CRY1: variants seen among roughly 807,000 people sequenced by gnomAD.
CRY1 encodes cryptochrome circadian regulator 1.
A neutral mutation model predicts 76.0 loss-of-function variants in CRY1; 45 were observed. The ratio of observed to expected loss-of-function variants is 0.59; its 90% CI spans 0.47 to 0.76. The LOEUF (loss-of-function observed/expected upper bound fraction) is 0.76. Ranked by LOEUF, CRY1 falls within the 30% of genes least tolerant of loss-of-function variation. CRY1 has a pLI of 0.00. For missense variants in CRY1, 587 were observed against 716.4 expected (o/e 0.82, Z 2.06); for synonymous variants, 248 against 244.0 (o/e 1.02, Z -0.15).
intron 1 of CRY1, among the ~76,000 whole-genome samples, chr12:107,067,563 CA>C (rs199513991): frequency 1.1e-3 from 153 of 137,922 alleles, no homozygotes; most frequent in South Asian, 7.1e-3. Flanking sequence ...TTTTCAAAGG[CA>C]AAAAAAAAAA....
At position 107,004,262 on chromosome 12, in the gene CRY1, C is replaced by T. The variant is rs1057346490; in HGVS notation, c.410+844G>A. ...AGATATATGAATTCTAGCTTAGTAT[C>T]AAGACCTTTGTCTGAATCAAATCAT... On this transcript the variant is annotated intron_variant, in intron 3 of 12. Coordinates refer to ENST00000008527, the MANE Select transcript of CRY1 (RefSeq NM_004075.5). Among the ~76,000 whole-genome samples, 4 of 152,104 alleles carry T rather than the reference C, an allele frequency of 2.6e-5. No homozygotes were observed. In the East Asian group the frequency reaches 7.7e-4, roughly 29 times the overall value.
At chr12:107,007,672 G>T (rs976087979) in intron 2 of CRY1, among the ~76,000 whole-genome samples, 15 of 151,924 alleles carry the variant, frequency 9.9e-5, no homozygotes, top group Non-Finnish European at 5.9e-5. Flanking sequence ...TAGGACTACA[G>T]GCATGCACCA....
chr12:107,001,273 A>G lies in CRY1; in HGVS notation c.684+7T>C. ...CAAGCATAGCTATATAATCTACATT[A>G]TCATACTTTTCTTTCCAAATGCCTT... On this transcript the variant is annotated splice_region_variant and intron_variant, in intron 5 of 12. Transcript: ENST00000008527. 1 of 1,604,760 alleles carries G rather than the reference A, an allele frequency of 6.2e-7. No individual in the cohort carries two copies. Among genetic ancestry groups the G allele is most frequent in the Non-Finnish European group, 8.5e-7 (1 of 1,172,536 alleles).
intron 1 of CRY1, among the ~76,000 whole-genome samples, chr12:107,085,340 T>A (rs777752677): frequency 3.9e-5 from 6 of 152,176 alleles, no homozygotes; most frequent in African/African-American, 7.2e-5. Context: ...TATAAATCAT[T>A]CTACTATAAT....
intron 1 of CRY1, among the ~76,000 whole-genome samples, chr12:107,046,171 T>C (rs1273511298): frequency 6.7e-6 from 1 of 149,980 alleles, no homozygotes; most frequent in African/African-American, 2.5e-5. Context: ...CACACACCTG[T>C]CATCCCAGCT....
intron 1 of CRY1, among the ~76,000 whole-genome samples, chr12:107,060,598 T>C (rs1306764307): frequency 6.6e-6 from 1 of 152,186 alleles, no homozygotes; most frequent in Non-Finnish European, 1.5e-5. Flanking sequence ...AAGTTAAATA[T>C]CCTACCCAGG....
intron 1 of CRY1, among the ~76,000 whole-genome samples, chr12:107,074,364 C>T (rs1407626690): frequency 6.6e-6 from 1 of 152,138 alleles, no homozygotes; most frequent in Admixed American, 6.6e-5. Flanking sequence ...TGGCCTACAT[C>T]ACTTAAAACA....
At chr12:107,080,784 G>A (rs1953313371) in intron 1 of CRY1, among the ~76,000 whole-genome samples, 1 of 152,048 alleles carries the variant, frequency 6.6e-6, no homozygotes, top group Admixed American at 6.6e-5. Context: ...GGGTTCAAGG[G>A]TAAGTAGAAT....
intron 7 of CRY1, among the ~76,000 whole-genome samples, chr12:106,998,691 C>CA (rs1555274486): frequency 5.3e-5 from 8 of 151,042 alleles, no homozygotes; most frequent in Admixed American, 2.6e-4. Context: ...CACACACACA[C>CA]AAGCTCAGAA....
chr12:106,998,051 A>G lies in CRY1; in HGVS notation c.1153T>C (p.Leu385=). 1.9e-6 allele frequency: 3 copies of G among 1,614,078 alleles called. No homozygotes were observed. Among genetic ancestry groups the G allele is most frequent in the South Asian group, 2.2e-5 (2 of 91,052 alleles). The change falls in exon 8 of 13, where the codon TTG becomes CTG. Residue 385 remains leucine, a synonymous_variant. Coordinates refer to ENST00000008527, the MANE Select transcript of CRY1 (RefSeq NM_004075.5). ...TTTATGCTCCAATCTGCATCAAGCA[A>G]TAATTCTTCAAATACCTTCAGAAGT... ...EEGMKVFEEL[L]LDADWSINAG...
At chr12:106,993,640 C>A (rs917150290) in intron 10 of CRY1, among the ~76,000 whole-genome samples, 1 of 151,970 alleles carries the variant, frequency 6.6e-6, no homozygotes, top group African/African-American at 2.4e-5. Flanking sequence ...GCATTCTGGA[C>A]CTATCCACGA....
chr12:107,042,142 T>C (rs955743256), intron 1 of CRY1, among the ~76,000 whole-genome samples: 2 of 152,130 alleles, frequency 1.3e-5, no homozygotes, highest in African/African-American at 2.4e-5. Flanking sequence ...GACTGAATAA[T>C]TAAATCAATG....
intron 1 of CRY1, among the ~76,000 whole-genome samples, chr12:107,030,046 C>CT (rs975729555): frequency 1.3e-5 from 2 of 152,130 alleles, no homozygotes; most frequent in African/African-American, 2.4e-5. Context: ...GGCCACTGGA[C>CT]TGTAGCCTGC....
Position 107,079,462 on chromosome 12 carries a change from C to T in CRY1, c.158+13342G>A, listed in dbSNP as rs180978603. Among the ~76,000 whole-genome samples, 743 of 152,240 alleles carry T rather than the reference C, an allele frequency of 4.9e-3. 8 individuals carry two copies. The highest frequency in any genetic ancestry group is 7.0e-3 in the Non-Finnish European group (476 of 67,990). On this transcript the variant is annotated intron_variant, in intron 1 of 12. Coordinates refer to ENST00000008527, the MANE Select transcript of CRY1 (RefSeq NM_004075.5). The stretch of plus-strand genomic sequence containing the variant: ...TCCTGGTATCAAGCGATGTCCAAAG[C>T]CAGTTTCCCTTAGGTTATTCAATTA...
chr12:106,992,900 T>TA lies in CRY1; in HGVS notation c.1658-11dup, dbSNP rs34585633. ...CCCATGGAGCTTCTTCCTGCACATT[T>TA]AAAAAATGTATGTTTAAGATAGGAA... On this transcript the variant is annotated splice_polypyrimidine_tract_variant and intron_variant, in intron 11 of 12. Transcript: ENST00000008527. 1.2e-6 allele frequency: 2 copies of TA among 1,613,934 alleles called. No homozygotes were observed. The highest frequency in any genetic ancestry group is 2.2e-5 in the East Asian group (1 of 44,866).
At chr12:107,054,301 T>C (rs1486350725) in intron 1 of CRY1, among the ~76,000 whole-genome samples, 1 of 151,974 alleles carries the variant, frequency 6.6e-6, no homozygotes, top group Non-Finnish European at 1.5e-5. Flanking sequence ...CATTAACCAA[T>C]GTGCTTCTGG....
At chr12:107,077,859 A>G (rs1022502273) in intron 1 of CRY1, among the ~76,000 whole-genome samples, 2 of 151,968 alleles carry the variant, frequency 1.3e-5, no homozygotes, top group African/African-American at 4.8e-5. Context: ...ACCTTTGTTA[A>G]CATCCTATAC....
At chr12:107,059,684 T>C (rs890312024) in intron 1 of CRY1, among the ~76,000 whole-genome samples, 3 of 151,864 alleles carry the variant, frequency 2.0e-5, no homozygotes, top group African/African-American at 4.8e-5. Context: ...AGATGATGTA[T>C]ACTATATCAA....
rs577371079 is a variant in CRY1, at chr12:107,042,764, G to A, written c.159-20572C>T. ...CTGGTGAGTACAGAAACTTAGGATG[G>A]CCACACGGAGAATGGAAGGAAATGC... is the stretch of plus-strand genomic sequence containing the variant. On this transcript the variant is annotated intron_variant, in intron 1 of 12. Coordinates refer to ENST00000008527, the MANE Select transcript of CRY1 (RefSeq NM_004075.5). Among the ~76,000 whole-genome samples the A allele has an allele frequency of 3.9e-5, 6 of 152,242 alleles. No individual in the cohort carries two copies. The South Asian group carries it at 1.2e-3, about 32-fold the overall frequency.
Sources: gnomAD v4.1 joint callset for allele counts (sites outside exome capture counted in the v4.1 genomes callset) on GRCh38, gnomAD v4.1.1 for gene constraint, MANE v1.5 for transcripts, NCBI Gene and HGNC (gene_info 2026-07-23, HGNC 2026-07-21) for gene names.